PTPN11: variants seen among roughly 807,000 people sequenced by gnomAD.
The protein encoded by PTPN11 is protein tyrosine phosphatase non-receptor type 11.
PTPN11 carries 6 observed loss-of-function variants against 78.8 expected under a neutral mutation model. The observed-to-expected ratio is 0.08, with a 90% confidence interval of 0.04 to 0.15. PTPN11 has a LOEUF of 0.15. Ranked by LOEUF, PTPN11 falls within the 10% of genes least tolerant of loss-of-function variation. The pLI, the probability that PTPN11 is intolerant of heterozygous loss-of-function variation, is 1.00. For synonymous variants in PTPN11, 221 were observed against 263.5 expected (o/e 0.84, Z 1.56); for missense variants, 386 against 744.8 (o/e 0.52, Z 5.61).
chr12:112,489,870 A>G (rs2038724661), intron 13 of PTPN11, among the ~76,000 whole-genome samples: 1 of 152,164 alleles, frequency 6.6e-6, no homozygotes, highest in Admixed American at 6.5e-5. Context: ...CCTTCCAGAG[A>G]ACTCAGCTTC....
rs765455455 is a variant in PTPN11 at position 112,488,438 on chromosome 12, C to T, written c.1380-5C>T. The T allele has an allele frequency of 7.5e-6, 12 of 1,609,708 alleles. No individual in the cohort carries two copies. Among genetic ancestry groups the T allele is most frequent in the Admixed American group, 3.3e-5 (2 of 59,996 alleles). ...TGTCCCTGCTTTTTGTCCTTCTGCCCGCAGTGCTGGAATTGGCCGGACAGG... is the reference window on the plus strand; with the variant it reads ...TGTCCCTGCTTTTTGTCCTTCTGCCTGCAGTGCTGGAATTGGCCGGACAGG... On this transcript the variant is annotated splice_polypyrimidine_tract_variant and splice_region_variant and intron_variant, in intron 11 of 15. Coordinates refer to ENST00000351677, the MANE Select transcript of PTPN11 (RefSeq NM_002834.5).
In PTPN11 at chr12:112,477,871, C is replaced by G. The variant is rs1416703350; in HGVS notation, c.948C>G (p.Thr316=). Residue 316 remains threonine, a synonymous_variant, in exon 9 of 16, where the codon ACC becomes ACG. Coordinates refer to ENST00000351677, the MANE Select transcript of PTPN11 (RefSeq NM_002834.5). Reference sequence around the variant, plus strand: ...TAAATTTCTAGCCTGAATTTGAAACCAAGTGCAACAATTCAAAGCCCAAAA... The same window carrying G: ...TAAATTTCTAGCCTGAATTTGAAACGAAGTGCAACAATTCAAAGCCCAAAA... ...NANIIMPEFE[T]KCNNSKPKKS... 1.2e-6 allele frequency: 2 copies of G among 1,613,930 alleles called. No individual in the cohort carries two copies. The highest frequency in any genetic ancestry group is 2.2e-5 in the East Asian group (1 of 44,894).
Position 112,453,357 on chromosome 12 carries a change from T to A in PTPN11, c.495T>A (p.Ser165=), listed in dbSNP as rs771233518. The A allele has an allele frequency of 6.2e-7, 1 of 1,614,136 alleles. No homozygotes were observed. Among genetic ancestry groups the A allele is most frequent in the Non-Finnish European group, 8.5e-7 (1 of 1,180,030 alleles). ...DDKGESNDGK[S]KVTHVMIRCQ... is the part of the protein sequence containing the mutation. ...AAGGGGAGAGCAATGACGGCAAGTC[T>A]AAAGTGACCCATGTTATGATTCGCT... Residue 165 remains serine, a synonymous_variant, in exon 4 of 16, where the codon TCT becomes TCA. Transcript: ENST00000351677.
rs879452095 is a variant in PTPN11, at chr12:112,441,782, C to CT, written c.15-4480dup. Among the ~76,000 whole-genome samples, 623 of 144,562 alleles carry CT rather than the reference C, an allele frequency of 4.3e-3. 5 individuals carry two copies. Among genetic ancestry groups the CT allele is most frequent in the African/African-American group, 0.011 (419 of 39,712 alleles). 94.8% of individuals were successfully genotyped at this position (144,562 alleles called of 152,430 possible). A position where few individuals can be genotyped will look rare whatever the true frequency, so the allele number is the denominator to read the frequency against. ...GACTTTTGAAATCCATGAAGAATATCTTTTTTTTTTTTTTGAGACGGAGTC... is the reference window on the plus strand; with the variant it reads ...GACTTTTGAAATCCATGAAGAATATCTTTTTTTTTTTTTTTGAGACGGAGTC... On this transcript the variant is annotated intron_variant, in intron 1 of 15. Coordinates refer to ENST00000351677, the MANE Select transcript of PTPN11 (RefSeq NM_002834.5).
intron 1 of PTPN11, among the ~76,000 whole-genome samples, chr12:112,437,790 A>C (rs2037817532): frequency 6.6e-6 from 1 of 152,156 alleles, no homozygotes; most frequent in African/African-American, 2.4e-5. Flanking sequence ...TCTGTGCGGT[A>C]GTTCCTTAAT....
At position 112,509,253 on chromosome 12, in the gene PTPN11, C is replaced by T. The variant is rs1055156398; in HGVS notation, c.*3461C>T. 1 of 152,218 alleles carries T rather than the reference C, an allele frequency of 6.6e-6. No individual in the cohort carries two copies. The highest frequency in any genetic ancestry group is 1.5e-5 in the Non-Finnish European group (1 of 68,036). The allele number at this position is 152,218 out of a possible 1,614,324, so 9.4% of individuals were successfully genotyped here. On this transcript the variant is annotated 3_prime_UTR_variant, in exon 16 of 16. Coordinates refer to ENST00000351677, the MANE Select transcript of PTPN11 (RefSeq NM_002834.5). Reference sequence around the variant, plus strand: ...AAATATAGTTTATTGTATCTTTCATCACTAAAAATTTGTTCCTTTTTCACT... The same window carrying T: ...AAATATAGTTTATTGTATCTTTCATTACTAAAAATTTGTTCCTTTTTCACT...
At chr12:112,474,737 T>A (rs2038472584) in intron 7 of PTPN11, among the ~76,000 whole-genome samples, 1 of 152,182 alleles carries the variant, frequency 6.6e-6, no homozygotes, top group African/African-American at 2.4e-5. Flanking sequence ...CACCCCAGCC[T>A]GCAATGTAGC....
At chr12:112,486,772 G>A in intron 11 of PTPN11, 143 bp downstream of exon 11, 1 of 1,506,670 alleles carries the variant, frequency 6.6e-7, no homozygotes, top group Non-Finnish European at 8.9e-7. Context: ...CTGCATTGAG[G>A]GACATTTTGA....
At chr12:112,486,886 G>A (rs985538626) in intron 11 of PTPN11, 14 of 1,408,162 alleles carry the variant, frequency 9.9e-6, no homozygotes, top group Non-Finnish European at 1.3e-5. Flanking sequence ...TTATCTCTGA[G>A]TCCACCAGAA....
At chr12:112,428,396 CTTTTTTT>C (rs11312766) in intron 1 of PTPN11, among the ~76,000 whole-genome samples, 7 of 84,484 alleles carry the variant, frequency 8.3e-5, no homozygotes, top group South Asian at 4.4e-4. Flanking sequence ...TGTGTGTTGT[CTTTTTTT>C]TTTTTTTTTT....
chr12:112,437,782 T>C (rs543472171), intron 1 of PTPN11, among the ~76,000 whole-genome samples: 1 of 152,332 alleles, frequency 6.6e-6, no homozygotes, highest in Non-Finnish European at 1.5e-5. Context: ...GGTGATTTTC[T>C]GTGCGGTAGT....
At chr12:112,476,933 A>G (rs998540911) in intron 7 of PTPN11, among the ~76,000 whole-genome samples, 2 of 152,142 alleles carry the variant, frequency 1.3e-5, no homozygotes, top group African/African-American at 4.8e-5. Flanking sequence ...ACTCTGATCC[A>G]CATCTCCTCT....
rs890655939 is a variant in PTPN11, at chr12:112,486,731, G to T, written c.1379+102G>T. 5.2e-6 allele frequency: 8 copies of T among 1,545,220 alleles called. No homozygotes were observed. The African/African-American group carries it at 9.6e-5, about 18-fold the overall frequency. On this transcript the variant is annotated intron_variant, in intron 11 of 15. Coordinates refer to ENST00000351677, the MANE Select transcript of PTPN11 (RefSeq NM_002834.5). ...ACTCCTAGCTCTTTAACTGTAGGAA[G>T]AATTTAATATCTGTTTGAGGCATAG... is the stretch of plus-strand genomic sequence containing the variant.
chr12:112,456,342 A>G (rs1252251086), intron 6 of PTPN11, among the ~76,000 whole-genome samples: 11 of 152,196 alleles, frequency 7.2e-5, no homozygotes, highest in Non-Finnish European at 1.5e-4. Context: ...ATCTCAGAGA[A>G]ACAAAAGGAT....
At chr12:112,493,082 A>G (rs1351948303) in intron 13 of PTPN11, among the ~76,000 whole-genome samples, 1 of 150,574 alleles carries the variant, frequency 6.6e-6, no homozygotes, top group Non-Finnish European at 1.5e-5. Context: ...TTTTTGAGAC[A>G]GAGTCTTGGT....
At chr12:112,489,286 G>T (rs2038717767) in intron 13 of PTPN11, 111 bp downstream of exon 13, 1 of 1,319,624 alleles carries the variant, frequency 7.6e-7, no homozygotes, top group Non-Finnish European at 1.1e-6. Context: ...TTTGATTTCG[G>T]AATGGGAAAC....
At chr12:112,503,408 T>C (rs2038900824) in intron 14 of PTPN11, among the ~76,000 whole-genome samples, 1 of 152,248 alleles carries the variant, frequency 6.6e-6, no homozygotes, top group Admixed American at 6.5e-5. Flanking sequence ...GACATGGATT[T>C]TTAAACCCCT....
At chr12:112,445,041 ATG>A (rs57095731) in intron 1 of PTPN11, among the ~76,000 whole-genome samples, 2,012 of 151,778 alleles carry the variant, frequency 0.013, 52 homozygotes, top group African/African-American at 0.046. Flanking sequence ...GACCTAGGAA[ATG>A]TGTGTGTGTG....
chr12:112,461,404 C>T (rs2038246555), intron 6 of PTPN11, among the ~76,000 whole-genome samples: 1 of 151,202 alleles, frequency 6.6e-6, no homozygotes, highest in African/African-American at 2.4e-5. Flanking sequence ...CGCAAACACA[C>T]AGTTGCGAAC....
Sources: allele counts gnomAD v4.1 joint callset (sites outside exome capture counted in the v4.1 genomes callset), GRCh38; gene constraint gnomAD v4.1.1; transcripts MANE v1.5; gene names NCBI Gene and HGNC (gene_info 2026-07-23, HGNC 2026-07-21).